The following DNMT1 variants were observed in gnomAD, a reference collection of about 807,000 sequenced individuals.
The protein encoded by DNMT1 is DNA (cytosine-5)-methyltransferase 1.
In DNMT1, 24 loss-of-function variants were observed where a neutral mutation model predicts 205.3. The ratio of observed to expected loss-of-function variants is 0.12; its 90% CI spans 0.08 to 0.16. The LOEUF (loss-of-function observed/expected upper bound fraction) is 0.16, where lower values mean the gene tolerates loss of function less well. Ranked by LOEUF, DNMT1 falls within the 10% of genes least tolerant of loss-of-function variation. The pLI is 1.00. For missense variants in DNMT1, 1,293 were observed against 2,177.7 expected, an observed-to-expected ratio of 0.59 and a Z score of 8.09; for synonymous variants, 817 against 839.8, an observed-to-expected ratio of 0.97 and a Z score of 0.47.
intron 22 of DNMT1, among the ~76,000 whole-genome samples, chr19:10,153,228 C>T (rs766806909): frequency 2.6e-5 from 4 of 152,120 alleles, no homozygotes; most frequent in Admixed American, 6.5e-5. Flanking sequence ...GAAGAGGTGC[C>T]TATCATTGAG....
At chr19:10,162,415 G>T (rs560014531) in intron 13 of DNMT1, among the ~76,000 whole-genome samples, 2 of 151,368 alleles carry the variant, frequency 1.3e-5, no homozygotes, top group Admixed American at 6.6e-5. Context: ...GACTACGGGC[G>T]TGCACCACCA....
rs760653484 is a variant in DNMT1 at position 10,154,422 on chromosome 19, T to C, written c.1890A>G (p.Gly630=). 4 of 1,614,210 alleles carry C rather than the reference T, an allele frequency of 2.5e-6. No homozygotes were observed. In the Admixed American group the frequency reaches 6.7e-5, roughly 27 times the overall value. The change falls in exon 22 of 41, where the codon GGA becomes GGG. Residue 630 remains glycine, a synonymous_variant. Transcript: ENST00000359526. This position sits in a 1 kb window ranked among gnomAD's most constrained non-coding sequence, Gnocchi z 6.3. ...IRHSTREKDR[G]PTKATTTKLV... is the part of the protein sequence containing the mutation. ...GCTTGGTGGTGGTGGCTTTCGTGGG[T>C]CCCCTGTCCTTCTCCCTGGTAGAAT... is the stretch of plus-strand genomic sequence containing the variant.
rs1599339925 is a variant in DNMT1, at chr19:10,136,187, A to G, written c.4590T>C (p.Tyr1530=). 2 of 1,613,972 alleles carry G rather than the reference A, an allele frequency of 1.2e-6. No homozygotes were observed. Among genetic ancestry groups the G allele is most frequent in the Admixed American group, 1.7e-5 (1 of 59,996 alleles). Residue 1530 remains tyrosine (Y), a synonymous_variant, in exon 38 of 41, where the codon TAT becomes TAC. Coordinates refer to ENST00000359526, the MANE Select transcript of DNMT1 (RefSeq NM_001130823.3). ...GNRHNHWAGL[Y]GRLEWDGFFS... is the part of the protein sequence containing the mutation. ...AGAAGCCGTCCCACTCGAGCCTTCC[A>G]TAGAGGCCAGCCCAGTGGTTGTGCC...
chr19:10,185,178 C>A (rs2039154267), intron 1 of DNMT1, among the ~76,000 whole-genome samples: 1 of 152,168 alleles, frequency 6.6e-6, no homozygotes, highest in Non-Finnish European at 1.5e-5. Flanking sequence ...GTAATCCCAG[C>A]ACTTTGGAAG....
At chr19:10,134,566 ACGTGGGGCTGGGAGC>A (rs760381493) in intron 39 of DNMT1, among the ~76,000 whole-genome samples, 2 of 152,220 alleles carry the variant, frequency 1.3e-5, no homozygotes, top group Non-Finnish European at 2.9e-5. Context: ...AGACAAAGAC[ACGTGGGGCTGGGAGC>A]AGTGGCTCAC....
chr19:10,160,531 G>A (rs1388073581), intron 13 of DNMT1, 113 bp from the exon 14 acceptor site: 4 of 1,192,192 alleles, frequency 3.4e-6, no homozygotes, highest in Middle Eastern at 1.9e-4. Context: ...GAGAGAAGGG[G>A]AGGGAGGCAG....
At chr19:10,175,084 TACACAC>T (rs201133845) in intron 7 of DNMT1, among the ~76,000 whole-genome samples, 1,712 of 113,904 alleles carry the variant, frequency 0.015, 17 homozygotes, top group East Asian at 0.052. Context: ...CATACATACA[TACACAC>T]ACACACACAC....
rs1390881004 is a variant in DNMT1 at position 10,142,013 on chromosome 19, A to G, written c.3309+15T>C. 1 of 1,611,354 alleles carries G rather than the reference A, an allele frequency of 6.2e-7. No individual in the cohort carries two copies. The highest frequency in any genetic ancestry group is 2.2e-5 in the East Asian group (1 of 44,764). ...TTGACCCCGAAGCCTTCCCTCTAGC[A>G]AGCAGGGGCACCACCTCGAGGAAGT... On this transcript the variant is annotated intron_variant, in intron 30 of 40. Coordinates refer to ENST00000359526, the MANE Select transcript of DNMT1 (RefSeq NM_001130823.3).
intron 1 of DNMT1, among the ~76,000 whole-genome samples, chr19:10,188,222 C>A (rs943550141): frequency 6.6e-6 from 1 of 152,120 alleles, no homozygotes. Flanking sequence ...GCAGGGCTGC[C>A]CAAGAAGGCA....
At chr19:10,157,722 C>T (rs961175093) in intron 17 of DNMT1, among the ~76,000 whole-genome samples, 8 of 152,204 alleles carry the variant, frequency 5.3e-5, no homozygotes, top group African/African-American at 1.9e-4. Context: ...CCAGGCATGG[C>T]AGACAGAATA....
At chr19:10,182,297 T>C (rs559752958) in intron 1 of DNMT1, among the ~76,000 whole-genome samples, 24 of 151,968 alleles carry the variant, frequency 1.6e-4, no homozygotes, top group Non-Finnish European at 3.1e-4. Context: ...GGTTCCCCTT[T>C]TGGGGGTCAT....
At chr19:10,174,669 T>C (rs749920267) in intron 7 of DNMT1, among the ~76,000 whole-genome samples, 112 of 148,670 alleles carry the variant, frequency 7.5e-4, no homozygotes, top group Non-Finnish European at 4.2e-4. Context: ...ATCGTGCCAC[T>C]GCACTCCATC....
rs573487542 is a variant in DNMT1, at chr19:10,189,696, G to C, written c.80+5124C>G. Among the ~76,000 whole-genome samples, 3 of 152,138 alleles carry C rather than the reference G, an allele frequency of 2.0e-5. No homozygotes were observed. The South Asian group carries it at 6.2e-4, about 32-fold the overall frequency. On this transcript the variant is annotated intron_variant, in intron 1 of 40. Transcript: ENST00000359526. ...GGCCTCCCAAACTGCTGGGATTACA[G>C]GCATGAGCCACTGCACACGGCCTAG...
chr19:10,186,337 G>C (rs1599405942), intron 1 of DNMT1, among the ~76,000 whole-genome samples: 1 of 152,126 alleles, frequency 6.6e-6, no homozygotes, highest in Non-Finnish European at 1.5e-5. Flanking sequence ...GTGAGGAGCT[G>C]GCGGGAGGGT....
intron 13 of DNMT1, among the ~76,000 whole-genome samples, chr19:10,162,310 G>T (rs1386433420): frequency 6.9e-6 from 1 of 144,966 alleles, no homozygotes; most frequent in Non-Finnish European, 1.5e-5. Flanking sequence ...AGCTAATTTT[G>T]CTGTGTCCCC....
Position 10,138,379 on chromosome 19 carries a change from G to T in DNMT1, c.4115+60C>A. 1 of 1,611,122 alleles carries T rather than the reference G, an allele frequency of 6.2e-7. No homozygotes were observed. Among genetic ancestry groups the T allele is most frequent in the Non-Finnish European group, 8.5e-7 (1 of 1,179,120 alleles). ...AAGCCTCACCAGGGAGTACTCACGG[G>T]CCCCATGAGCTACTGAGGCCTGCTC... On this transcript the variant is annotated intron_variant, in intron 35 of 40. Transcript: ENST00000359526. The surrounding 1 kb of genome is among the most constrained non-coding windows in gnomAD (Gnocchi z 4.1).
At position 10,140,458 on chromosome 19, in the gene DNMT1, C is replaced by T. The variant is rs1263139650; in HGVS notation, c.3524-130G>A. 3 of 1,363,638 alleles carry T rather than the reference C, an allele frequency of 2.2e-6. No homozygotes were observed. In the African/African-American group the frequency reaches 4.3e-5, roughly 20 times the overall value. The allele number at this position is 1,363,638 out of a possible 1,614,324, so 84.5% of individuals were successfully genotyped here. A position where few individuals can be genotyped will look rare whatever the true frequency, so the allele number is the denominator to read the frequency against. ...GATCTTGGCTCACTGCAAGCTCTGC[C>T]TCCCAGGTTCAAGCGATTCTCCCAC... On this transcript the variant is annotated intron_variant, in intron 32 of 40. Coordinates refer to ENST00000359526, the MANE Select transcript of DNMT1 (RefSeq NM_001130823.3). This position sits in a 1 kb window ranked among gnomAD's most constrained non-coding sequence, Gnocchi z 8.4.
At position 10,159,767 on chromosome 19, in the gene DNMT1, C is replaced by T. The variant is rs2038527981; in HGVS notation, c.1171G>A (p.Val391Met). 2.5e-6 allele frequency: 4 copies of T among 1,614,180 alleles called. No individual in the cohort carries two copies. The highest frequency in any genetic ancestry group is 1.1e-5 in the South Asian group (1 of 91,074). ...TTTGTCAGCATCTGTGGCTCATCCA[C>T]CTGAAGGACACGGGGCTGGTGAGCA... ...LKYGQHPPDA[V>M]DEPQMLTNEK... The change falls in exon 17 of 41, where the codon GTG becomes ATG. Residue 391 changes from valine (V) to methionine (M), a missense_variant and splice_region_variant. Val to Met is a conservative substitution (Grantham distance 21). This residue lies in a region of DNMT1 where 120 missense variants were observed against 315.9 expected (regional missense o/e 0.38). Transcript: ENST00000359526. The surrounding 1 kb of genome is among the most constrained non-coding windows in gnomAD (Gnocchi z 5.0).
At chr19:10,190,037 C>G (rs950397401) in intron 1 of DNMT1, among the ~76,000 whole-genome samples, 1 of 152,196 alleles carries the variant, frequency 6.6e-6, no homozygotes, top group Non-Finnish European at 1.5e-5. Context: ...TGAAACCCAG[C>G]AGTCTGTACC....
Sources: allele counts gnomAD v4.1 joint callset (sites outside exome capture counted in the v4.1 genomes callset), GRCh38; gene constraint gnomAD v4.1.1; regional missense constraint gnomAD v4.1.1; non-coding constraint Gnocchi (gnomAD v3.1); transcripts MANE v1.5; gene names NCBI Gene and HGNC (gene_info 2026-07-23, HGNC 2026-07-21).